Variants in SPEG observed in about 807,000 individuals in gnomAD.
SPEG encodes the protein striated muscle preferentially expressed protein kinase.
Under a neutral mutation model 300.4 loss-of-function variants are expected in SPEG, and 114 were observed. That is an observed-to-expected ratio of 0.38 (90% CI 0.33 to 0.44). SPEG has a LOEUF of 0.44. Ranked by LOEUF, SPEG falls within the 20% of genes least tolerant of loss-of-function variation. SPEG has a pLI of 1.00. For missense variants in SPEG, 4,201 were observed against 4,586.2 expected, an observed-to-expected ratio of 0.92 and a Z score of 2.43; for synonymous variants, 1,964 against 2,018.9, an observed-to-expected ratio of 0.97 and a Z score of 0.73.
chr2:219,485,227 A>C, intron 30 of SPEG, 119 bp from the exon 31 acceptor site: 1 of 1,486,470 alleles, frequency 6.7e-7, no homozygotes, highest in Non-Finnish European at 9.1e-7. Flanking sequence ...GAAAGCAGGA[A>C]TGGCGGCAGG....
At chr2:219,453,629 C>T (rs72965334) in intron 6 of SPEG, among the ~76,000 whole-genome samples, 52 of 152,346 alleles carry the variant, frequency 3.4e-4, no homozygotes, top group Non-Finnish European at 5.3e-4. Flanking sequence ...GGCACCTCTG[C>T]CCTGGGGAGC....
At chr2:219,466,104 G>A (rs1238058764) in intron 9 of SPEG, 2 of 1,592,484 alleles carry the variant, frequency 1.3e-6, no homozygotes, top group Non-Finnish European at 8.5e-7. Flanking sequence ...TACCCTCCGA[G>A]CCGCGCCCCT....
chr2:219,464,250 A>G lies in SPEG; in HGVS notation c.2706-183A>G, dbSNP rs1449015366. 6.6e-6 allele frequency among the ~76,000 whole-genome samples: 1 copy of G among 152,152 alleles called. No individual in the cohort carries two copies. Among genetic ancestry groups the G allele is most frequent in the Non-Finnish European group, 1.5e-5 (1 of 68,012 alleles). ...CTGGAAGCTCCTAGAGGTGGGTGGG[A>G]TGGCAGAGTGGGGGTAAAAACCTAG... is the stretch of plus-strand genomic sequence containing the variant. On this transcript the variant is annotated intron_variant, in intron 8 of 40. Coordinates refer to ENST00000312358, the MANE Select transcript of SPEG (RefSeq NM_005876.5). The surrounding 1 kb of genome is among the most constrained non-coding windows in gnomAD (Gnocchi z 4.5).
rs762542090 is a variant in SPEG, at chr2:219,493,224, A to C, written c.*438A>C. ...CAGTAGGCTGGGAGTCAGTGTGGCA[A>C]AGCGGGGGCAGGACACAGATACAGT... is the stretch of plus-strand genomic sequence containing the variant. On this transcript the variant is annotated 3_prime_UTR_variant, in exon 41 of 41. Transcript: ENST00000312358. The C allele has an allele frequency of 3.3e-5, 12 of 368,884 alleles. No homozygotes were observed. Among genetic ancestry groups the C allele is most frequent in the Non-Finnish European group, 6.4e-5 (12 of 188,202 alleles). The allele number at this position is 368,884 out of a possible 1,614,324, so 22.9% of individuals were successfully genotyped here. A position where few individuals can be genotyped will look rare whatever the true frequency, so the allele number is the denominator to read the frequency against.
intron 1 of SPEG, chr2:219,441,705 G>A: frequency 2.5e-6 from 1 of 400,846 alleles, no homozygotes; most frequent in South Asian, 1.8e-5. Flanking sequence ...TCCGGAGGCA[G>A]ATGCAGGGTG....
Position 219,477,369 on chromosome 2 carries a change from T to C in SPEG, c.4653T>C (p.Asp1551=). 6.2e-7 allele frequency: 1 copy of C among 1,612,548 alleles called. No homozygotes were observed. The highest frequency in any genetic ancestry group is 8.5e-7 in the Non-Finnish European group (1 of 1,179,434). ...TGGTGCTCAGCACGGGGGCCCAGGA[T>C]GGAGGCGTCTACACCTGCACCGCCC... The part of the protein sequence containing the change: ...SLVVLSTGAQ[D]GGVYTCTAQN... The change falls in exon 20 of 41, where the codon GAT becomes GAC. Residue 1551 remains aspartate (D), a synonymous_variant. Transcript: ENST00000312358. The surrounding 1 kb of genome is among the most constrained non-coding windows in gnomAD (Gnocchi z 6.4).
In SPEG at chr2:219,467,404, G is replaced by A. The variant is rs765133843; in HGVS notation, c.3112G>A (p.Val1038Ile). Reference sequence around the variant, plus strand: ...ATCTGTACATGAGGACGACAGTGGCGTCTACACCTGCAAGCTCAGCACGGC... The same window carrying A: ...ATCTGTACATGAGGACGACAGTGGCATCTACACCTGCAAGCTCAGCACGGC... The part of the protein sequence containing the change: ...LTSVHEDDSG[V>I]YTCKLSTAKD... The change falls in exon 10 of 41, where the codon GTC (valine) becomes ATC (isoleucine). Residue 1038 changes from valine (V) to isoleucine (I), a missense_variant. By Grantham distance (29) the Val-to-Ile change is conservative. Coordinates refer to ENST00000312358, the MANE Select transcript of SPEG (RefSeq NM_005876.5). 1.7e-5 allele frequency: 27 copies of A among 1,610,714 alleles called. No individual in the cohort carries two copies. In the Admixed American group the frequency reaches 2.7e-4, roughly 16 times the overall value.
At chr2:219,469,634 C>T (rs537865085) in intron 13 of SPEG, among the ~76,000 whole-genome samples, 36 of 152,306 alleles carry the variant, frequency 2.4e-4, no homozygotes, top group African/African-American at 5.3e-4. Context: ...GCTACTAACC[C>T]GCATCGGGCC....
chr2:219,451,717 G>A lies in SPEG; in HGVS notation c.2350G>A (p.Ala784Thr). 1 of 1,566,510 alleles carries A rather than the reference G, an allele frequency of 6.4e-7. No homozygotes were observed. Among genetic ancestry groups the A allele is most frequent in the Non-Finnish European group, 8.6e-7 (1 of 1,156,534 alleles). Residue 784 changes from alanine to threonine, a missense_variant, in exon 6 of 41, where the codon GCC becomes ACC. By Grantham distance (58) the Ala-to-Thr change is moderately conservative. This residue lies in a region of SPEG where 1,258 missense variants were observed against 1,293.9 expected (regional missense o/e 0.97). Transcript: ENST00000312358. The surrounding 1 kb of genome is among the most constrained non-coding windows in gnomAD (Gnocchi z 6.4). ...GERHTLLLRE[A>T]RAADAGSYMA... is the part of the protein sequence containing the mutation. ...GCGGCACACCCTGCTGCTCAGGGAG[G>A]CCAGGGCAGCAGATGCCGGGAGCTA... is the stretch of plus-strand genomic sequence containing the variant.
intron 29 of SPEG, 53 bp from the exon 30 acceptor site, chr2:219,483,045 G>T (rs910925650): frequency 3.2e-6 from 5 of 1,552,616 alleles, no homozygotes; most frequent in Non-Finnish European, 4.4e-6. Flanking sequence ...GCCTGGGGGG[G>T]ACAATCCTGC....
chr2:219,471,511 G>A (rs958030940), intron 13 of SPEG, among the ~76,000 whole-genome samples: 2 of 152,258 alleles, frequency 1.3e-5, no homozygotes, highest in East Asian at 3.9e-4. Context: ...TGACATAGAG[G>A]TTGTGACCAT....
At chr2:219,436,201 G>T (rs1954714798) in intron 1 of SPEG, among the ~76,000 whole-genome samples, 3 of 152,256 alleles carry the variant, frequency 2.0e-5, no homozygotes, top group Admixed American at 2.0e-4. Flanking sequence ...GGTGCAGTGT[G>T]AAGAAAAGGC....
intron 1 of SPEG, among the ~76,000 whole-genome samples, chr2:219,438,175 C>T (rs371203242): frequency 1.3e-3 from 203 of 152,088 alleles, no homozygotes; most frequent in African/African-American, 4.3e-3. Flanking sequence ...AGGGAAGAAT[C>T]GGAAACAAAG....
Position 219,484,772 on chromosome 2 carries a change from G to A in SPEG, c.7309G>A (p.Glu2437Lys). 2.0e-6 allele frequency: 3 copies of A among 1,465,474 alleles called. No individual in the cohort carries two copies. The highest frequency in any genetic ancestry group is 2.8e-5 in the East Asian group (1 of 36,158). The allele number at this position is 1,465,474 out of a possible 1,614,324, so 90.8% of individuals were successfully genotyped here. A position where few individuals can be genotyped will look rare whatever the true frequency, so the allele number is the denominator to read the frequency against. ...PAWEARGGDG[E>K]SSEGGSSARG... ...CTGGGAGGCCCGCGGCGGGGACGGA[G>A]AGAGCTCGGAGGGCGGGAGCTCGGC... Residue 2437 changes from glutamate (E) to lysine (K), a missense_variant, in exon 30 of 41, where the codon GAG becomes AAG. Around this residue, in one of 4 missense-constraint regions of SPEG, gnomAD observed 1,578 missense variants for 1,506.0 expected, o/e 1.05. Transcript: ENST00000312358.
intron 6 of SPEG, among the ~76,000 whole-genome samples, chr2:219,454,083 G>A (rs1037781745): frequency 6.6e-6 from 1 of 152,108 alleles, no homozygotes; most frequent in African/African-American, 2.4e-5. Flanking sequence ...TGCTCTTCAT[G>A]CTGCCCCTGC....
Position 219,448,638 on chromosome 2 carries a change from T to C in SPEG, c.1480T>C (p.Phe494Leu). The C allele has an allele frequency of 6.7e-7, 1 of 1,485,372 alleles. No individual in the cohort carries two copies. Among genetic ancestry groups the C allele is most frequent in the Non-Finnish European group, 8.9e-7 (1 of 1,125,944 alleles). The allele number at this position is 1,485,372 out of a possible 1,614,324, so 92.0% of individuals were successfully genotyped here. ...RSPASDLELR[F>L]AQELGRIRRS... is the part of the protein sequence containing the mutation. ...CCCGGCCTCAGACCTCGAGCTGCGCTTCGCCCAGGAGCTGGGCCGCATCCG... is the reference window on the plus strand; with the variant it reads ...CCCGGCCTCAGACCTCGAGCTGCGCCTCGCCCAGGAGCTGGGCCGCATCCG... The change falls in exon 4 of 41, where the codon TTC (phenylalanine) becomes CTC (leucine). Residue 494 changes from phenylalanine (F) to leucine (L), a missense_variant. Phe to Leu is a conservative substitution (Grantham distance 22). Coordinates refer to ENST00000312358, the MANE Select transcript of SPEG (RefSeq NM_005876.5).
In SPEG at chr2:219,488,480, G is replaced by T. The variant is rs763139790; in HGVS notation, c.7859-18G>T. 1.3e-6 allele frequency: 2 copies of T among 1,552,850 alleles called. No individual in the cohort carries two copies. Among genetic ancestry groups the T allele is most frequent in the East Asian group, 2.3e-5 (1 of 44,236 alleles). The stretch of plus-strand genomic sequence containing the variant: ...GCTGCCTCACTCAGCAGCAACTCCT[G>T]CTCCTCCCTGTCCCCAGACAAGAAG... On this transcript the variant is annotated intron_variant, in intron 32 of 40. Transcript: ENST00000312358.
Position 219,462,339 on chromosome 2 carries a change from C to T in SPEG, c.2658C>T (p.Val886=). ...MDQSVREGQD[V]IMSIRVQGEP... ...AGTCAGTAAGAGAAGGCCAAGATGTCATCATGAGCATCCGCGTGCAGGGGG... is the reference window on the plus strand; with the variant it reads ...AGTCAGTAAGAGAAGGCCAAGATGTTATCATGAGCATCCGCGTGCAGGGGG... Residue 886 remains valine, a synonymous_variant, in exon 8 of 41, where the codon GTC becomes GTT. Coordinates refer to ENST00000312358, the MANE Select transcript of SPEG (RefSeq NM_005876.5). 1.3e-6 allele frequency: 2 copies of T among 1,568,910 alleles called. No individual in the cohort carries two copies.
At chr2:219,442,999 C>A in intron 1 of SPEG, 1 of 894,768 alleles carries the variant, frequency 1.1e-6, no homozygotes, top group Non-Finnish European at 1.8e-6. Flanking sequence ...CACACACACA[C>A]TGGCCAGGGA....
Sources: allele counts gnomAD v4.1 joint callset (sites outside exome capture counted in the v4.1 genomes callset), GRCh38; gene constraint gnomAD v4.1.1; regional missense constraint gnomAD v4.1.1; non-coding constraint Gnocchi (gnomAD v3.1); transcripts MANE v1.5; gene names NCBI Gene and HGNC (gene_info 2026-07-23, HGNC 2026-07-21).